ANXA4: variants seen among roughly 807,000 people sequenced by gnomAD.
ANXA4 encodes the protein 35-beta calcimedin.
ANXA4 carries 39 observed loss-of-function variants against 49.8 expected under a neutral mutation model. The observed-to-expected ratio is 0.78, with a 90% CI of 0.61 to 1.02. The LOEUF (loss-of-function observed/expected upper bound fraction) is 1.02, where lower values mean the gene tolerates loss of function less well. Ranked by LOEUF, ANXA4 falls within the 50% of genes least tolerant of loss-of-function variation. ANXA4 has a pLI of 0.00. For synonymous variants in ANXA4, 134 were observed against 152.5 expected (o/e 0.88, Z 0.89); for missense variants, 360 against 410.1 (o/e 0.88, Z 1.05).
chr2:69,739,599 G>A (rs35999343), upstream of ANXA4, among the ~76,000 whole-genome samples: 31,751 of 150,328 alleles, frequency 0.21, 3,959 homozygotes, highest in South Asian at 0.31. Flanking sequence ...AAAGAGACAC[G>A]GTGGGTGGGA....
upstream of ANXA4, among the ~76,000 whole-genome samples, chr2:69,739,689 G>A (rs936974531): frequency 1.3e-5 from 2 of 151,962 alleles, no homozygotes; most frequent in African/African-American, 4.8e-5. Flanking sequence ...CTTCCAACGT[G>A]CTGGTGTTAC....
chr2:69,799,930 T>C (rs1467699559), intron 3 of ANXA4, among the ~76,000 whole-genome samples: 1 of 152,264 alleles, frequency 6.6e-6, no homozygotes, highest in Non-Finnish European at 1.5e-5. Flanking sequence ...TATTAAGCTC[T>C]ACTATGTGTC....
At chr2:69,675,389 A>G (rs1677370530) in intron 2 of ANXA4, among the ~76,000 whole-genome samples, 1 of 152,258 alleles carries the variant, frequency 6.6e-6, no homozygotes, top group Non-Finnish European at 1.5e-5. Flanking sequence ...CATGTTGACA[A>G]TACTCTATCA....
chr2:69,808,086 T>C, intron 6 of ANXA4, 90 bp downstream of exon 6: 1 of 1,240,692 alleles, frequency 8.1e-7, no homozygotes, highest in Non-Finnish European at 1.2e-6. Flanking sequence ...GATTAGACTT[T>C]TCACAGAACG....
At chr2:69,745,505 A>G (rs575737729) in intron 1 of ANXA4, among the ~76,000 whole-genome samples, 1 of 152,284 alleles carries the variant, frequency 6.6e-6, no homozygotes, top group African/African-American at 2.4e-5. Context: ...TTCAGGCCTC[A>G]CTTTGAGAAA....
At position 69,708,533 on chromosome 2, in the gene ANXA4, A is replaced by AAGAG. The variant is rs112618606; in HGVS notation, n.767-12223_767-12220dup. On this transcript the variant is annotated intron_variant and non_coding_transcript_variant, in intron 2 of 3. Coordinates refer to the ANXA4 transcript ENST00000418066. ...TCACTTGAGCCTGGGAGAAGAAAGA[A>AAGAG]AGAGAGAGAGAGAGAGAGAGAAGTA... 9.1e-3 allele frequency among the ~76,000 whole-genome samples: 1,353 copies of AAGAG among 149,490 alleles called. 20 individuals carry two copies. Among genetic ancestry groups the AAGAG allele is most frequent in the East Asian group, 0.067 (342 of 5,118 alleles).
At chr2:69,816,284 A>G in intron 9 of ANXA4, 90 bp downstream of exon 9, 1 of 1,053,342 alleles carries the variant, frequency 9.5e-7, no homozygotes, top group South Asian at 1.4e-5. Flanking sequence ...TTCCTCCTTC[A>G]GTTGGTACAA....
intron 1 of ANXA4, among the ~76,000 whole-genome samples, chr2:69,760,102 G>A (rs1671220526): frequency 6.6e-6 from 1 of 152,158 alleles, no homozygotes; most frequent in Admixed American, 6.5e-5. Context: ...AAAGTGCTGG[G>A]ATTACATGCA....
At chr2:69,702,640 A>G (rs1678368493) in intron 2 of ANXA4, among the ~76,000 whole-genome samples, 1 of 152,142 alleles carries the variant, frequency 6.6e-6, no homozygotes, top group Admixed American at 6.5e-5. Flanking sequence ...CTTGAGCCCA[A>G]GAGTTGGAGG....
At chr2:69,766,910 A>G (rs928928192) in intron 1 of ANXA4, among the ~76,000 whole-genome samples, 1 of 152,140 alleles carries the variant, frequency 6.6e-6, no homozygotes, top group African/African-American at 2.4e-5. Context: ...AATCTGGGAG[A>G]AATGCACTCT....
At position 69,816,100 on chromosome 2, in the gene ANXA4, G is replaced by C. The variant is rs1332603782; in HGVS notation, c.535-1G>C. The C allele has an allele frequency of 1.9e-6, 3 of 1,613,400 alleles. No individual in the cohort carries two copies. In the Admixed American group the frequency reaches 5.0e-5, roughly 27 times the overall value. ...TAGACCTGTGCTTTGTTTGGCTTCA[G>C]GACCTGTATGAGGCTGGAGAGAAGA... On this transcript the variant is annotated splice_acceptor_variant, in intron 8 of 12. Transcript: ENST00000394295. LOFTEE classifies it high-confidence loss of function.
chr2:69,656,288 C>CATATATGTATATATATGT (rs1209015530), intron 2 of ANXA4, among the ~76,000 whole-genome samples: 1 of 89,526 alleles, frequency 1.1e-5, no homozygotes. Context: ...TATATATATA[C>CATATATGTATATATATGT]ATATATGTAT....
intron 3 of ANXA4, chr2:69,803,250 C>A (rs1270295873): frequency 6.6e-6 from 1 of 151,652 alleles, no homozygotes; most frequent in Admixed American, 6.6e-5. Context: ...ACTTAAAGTT[C>A]TATAGCTTCC....
intron 3 of ANXA4, among the ~76,000 whole-genome samples, chr2:69,796,534 A>G (rs546455928): frequency 2.0e-5 from 3 of 152,332 alleles, no homozygotes; most frequent in African/African-American, 7.2e-5. Context: ...CAAACACTTG[A>G]GTTAGATTTT....
intron 1 of ANXA4, among the ~76,000 whole-genome samples, chr2:69,757,485 A>C (rs1377837671): frequency 4.9e-5 from 7 of 143,516 alleles, no homozygotes; most frequent in African/African-American, 1.6e-4. Flanking sequence ...ATGTTAGCCA[A>C]GATGGTCTCG....
Position 69,648,790 on chromosome 2 carries a change from C to T in ANXA4, n.481+3885C>T, listed in dbSNP as rs184711128. 4.7e-3 allele frequency among the ~76,000 whole-genome samples: 585 copies of T among 124,002 alleles called. 8 individuals carry two copies. The highest frequency in any genetic ancestry group is 0.017 in the African/African-American group (528 of 31,090). 81.4% of individuals were successfully genotyped at this position (124,002 alleles called of 152,430 possible). On this transcript the variant is annotated intron_variant and non_coding_transcript_variant, in intron 1 of 3. Transcript: ENST00000418066. The stretch of plus-strand genomic sequence containing the variant: ...GAGCCGAGAGTGCACCACTGCACTC[C>T]ATCTGGGGAGACAGAGTAAGACTCA...
intron 2 of ANXA4, among the ~76,000 whole-genome samples, chr2:69,654,731 C>T (rs1016877491): frequency 1.3e-5 from 2 of 152,046 alleles, no homozygotes; most frequent in Non-Finnish European, 2.9e-5. Flanking sequence ...CAATCCTAAG[C>T]AAAAAGAACA....
In ANXA4 at chr2:69,711,164, TATTAA is replaced by T. The variant is rs201425880; in HGVS notation, n.767-9608_767-9604del. Among the ~76,000 whole-genome samples the T allele has an allele frequency of 6.6e-3, 998 of 152,260 alleles. 4 individuals are homozygous for T. Among genetic ancestry groups the T allele is most frequent in the Non-Finnish European group, 0.01 (688 of 68,026 alleles). Reference sequence around the variant, plus strand: ...GGTCAACATGGTGAAACTCTGTCTCTATTAAAAATACAAAAATGAGCTGGGCATAG... The same window carrying T: ...GGTCAACATGGTGAAACTCTGTCTCTAAATACAAAAATGAGCTGGGCATAG... On this transcript the variant is annotated intron_variant and non_coding_transcript_variant, in intron 2 of 3. Coordinates refer to the ANXA4 transcript ENST00000418066.
chr2:69,732,815 C>T (rs941659798), intron 3 of ANXA4, among the ~76,000 whole-genome samples: 2 of 152,206 alleles, frequency 1.3e-5, no homozygotes, highest in Middle Eastern at 3.4e-3. Flanking sequence ...AGTCAAGAAG[C>T]GGTGCTGATC....
Sources: allele counts gnomAD v4.1 joint callset (sites outside exome capture counted in the v4.1 genomes callset), GRCh38; gene constraint gnomAD v4.1.1; transcripts MANE v1.5; gene names NCBI Gene and HGNC (gene_info 2026-07-23, HGNC 2026-07-21).